DST: variants seen among roughly 807,000 people sequenced by gnomAD.
The protein encoded by DST is bullous pemphigoid antigen.
Under a neutral mutation model 875.2 loss-of-function variants are expected in DST, and 253 were observed. That is an observed-to-expected ratio of 0.29 (90% CI 0.26 to 0.32). The LOEUF (loss-of-function observed/expected upper bound fraction) is 0.32, where lower values mean the gene tolerates loss of function less well. DST is among the 10% of genes least tolerant of loss of function. The probability of loss-of-function intolerance (pLI) is 1.00; values close to 1 mark genes in which losing one functional copy is unlikely to be tolerated. For missense variants in DST, 8,287 were observed against 9,111.6 expected, an observed-to-expected ratio of 0.91 and a Z score of 3.68; for synonymous variants, 3,124 against 3,197.1, an observed-to-expected ratio of 0.98 and a Z score of 0.77.
chr6:56,528,811 CATG>C, intron 67 of DST, 27 bp downstream of exon 67: 3 of 1,373,938 alleles, frequency 2.2e-6, no homozygotes, highest in Non-Finnish European at 2.0e-6. Context: ...ATGCTGACCA[CATG>C]ATGATTTGAT....
chr6:56,823,721 G>GA (rs1350644435), intron 4 of DST, among the ~76,000 whole-genome samples: 1 of 152,060 alleles, frequency 6.6e-6, no homozygotes, highest in Non-Finnish European at 1.5e-5. Flanking sequence ...TATAATTCTT[G>GA]AAAATTACAA....
intron 2 of DST, among the ~76,000 whole-genome samples, chr6:56,905,342 T>C (rs1476485814): frequency 1.3e-5 from 2 of 152,222 alleles, no homozygotes; most frequent in Non-Finnish European, 2.9e-5. Flanking sequence ...CAATGTTGTA[T>C]AGCAGATCTT....
intron 2 of DST, among the ~76,000 whole-genome samples, chr6:56,922,611 A>G (rs1480752078): frequency 6.6e-6 from 1 of 151,874 alleles, no homozygotes; most frequent in African/African-American, 2.4e-5. Context: ...TTTGCCTTAG[A>G]GCAAGCAAAA....
At chr6:56,803,660 C>A (rs2099749912) in intron 4 of DST, among the ~76,000 whole-genome samples, 1 of 152,194 alleles carries the variant, frequency 6.6e-6, no homozygotes, top group Non-Finnish European at 1.5e-5. Flanking sequence ...GCAGACCAGG[C>A]TGGCCAACAA....
chr6:56,792,702 C>G (rs2099729607), intron 4 of DST, among the ~76,000 whole-genome samples: 2 of 152,126 alleles, frequency 1.3e-5, no homozygotes, highest in Admixed American at 1.3e-4. Flanking sequence ...AATAATTTTG[C>G]CACAAATGTT....
intron 4 of DST, among the ~76,000 whole-genome samples, chr6:56,753,006 G>A (rs1372491481): frequency 6.6e-6 from 1 of 152,006 alleles, no homozygotes; most frequent in Non-Finnish European, 1.5e-5. Context: ...GGTCAGGCTG[G>A]TCTCGAACTC....
chr6:56,666,282 TA>T (rs1289036006), intron 10 of DST, among the ~76,000 whole-genome samples: 3 of 152,166 alleles, frequency 2.0e-5, no homozygotes, highest in African/African-American at 7.2e-5. Context: ...TAATAACTTA[TA>T]ACAGTATAAT....
At chr6:56,567,295 A>G (rs2097695358) in intron 55 of DST, among the ~76,000 whole-genome samples, 1 of 152,212 alleles carries the variant, frequency 6.6e-6, no homozygotes, top group Admixed American at 6.5e-5. Context: ...AAGTCTAAAC[A>G]GAAACATTAA....
chr6:56,704,249 T>C (rs1159685114), intron 6 of DST, 31 bp downstream of exon 6: 2 of 1,186,750 alleles, frequency 1.7e-6, no homozygotes, highest in Admixed American at 4.8e-5. Context: ...TTACACGTTC[T>C]TCAAAATAAA....
At chr6:56,920,031 T>G (rs990198645) in intron 2 of DST, among the ~76,000 whole-genome samples, 3 of 152,178 alleles carry the variant, frequency 2.0e-5, no homozygotes, top group Non-Finnish European at 4.4e-5. Context: ...TTACAGCAAT[T>G]ATATAAACAC....
chr6:56,740,214 T>G (rs532074420), intron 4 of DST, among the ~76,000 whole-genome samples: 16 of 152,140 alleles, frequency 1.1e-4, no homozygotes, highest in African/African-American at 3.6e-4. Flanking sequence ...GGACTCACCC[T>G]GAATTCTCTC....
intron 3 of DST, among the ~76,000 whole-genome samples, chr6:56,882,575 G>A (rs946571200): frequency 6.6e-6 from 1 of 152,168 alleles, no homozygotes; most frequent in Admixed American, 6.5e-5. Context: ...AGTATAAGCA[G>A]CAAAATGAAA....
chr6:56,589,004 C>T (rs1483736294), intron 49 of DST, among the ~76,000 whole-genome samples: 1 of 152,206 alleles, frequency 6.6e-6, no homozygotes, highest in Non-Finnish European at 1.5e-5. Flanking sequence ...ACAGTTTATT[C>T]ATATAACATG....
Position 56,614,440 on chromosome 6 carries a change from T to A in DST, c.4974A>T (p.Lys1658Asn), listed in dbSNP as rs1207457994. ...EEKKEHVEKA[K>N]ELQKWVSNIS... ...TATTTGATACCCATTTTTGCAATTC[T>A]TTGGCTTTTTCAACATGTTCTTTCT... The change falls in exon 37 of 104, where the codon AAA becomes AAT. Residue 1658 changes from lysine to asparagine, a missense_variant. Lys to Asn is a moderately conservative substitution (Grantham distance 94). Around this residue, in one of 10 missense-constraint regions of DST, gnomAD observed 3,138 missense variants for 3,116.6 expected, o/e 1.01. Coordinates refer to ENST00000680361, the MANE Select transcript of DST (RefSeq NM_001374736.1). The A allele has an allele frequency of 6.2e-7, 1 of 1,609,912 alleles. No individual in the cohort carries two copies. The highest frequency in any genetic ancestry group is 1.3e-5 in the African/African-American group (1 of 74,788).
At chr6:56,619,490 T>C in intron 36 of DST, 2 of 1,612,318 alleles carry the variant, frequency 1.2e-6, no homozygotes, top group Non-Finnish European at 8.5e-7. Flanking sequence ...TTCTAATTCT[T>C]TCTCATCTCG....
chr6:56,891,860 G>A (rs1787715815), intron 3 of DST, among the ~76,000 whole-genome samples: 3 of 151,952 alleles, frequency 2.0e-5, no homozygotes, highest in Admixed American at 2.0e-4. Flanking sequence ...TTTTGCCCAT[G>A]CAACTGAGTA....
intron 4 of DST, among the ~76,000 whole-genome samples, chr6:56,758,041 C>A (rs939359806): frequency 1.3e-5 from 2 of 152,178 alleles, no homozygotes; most frequent in African/African-American, 4.8e-5. Context: ...GAAACAACTA[C>A]CATTAATACA....
intron 4 of DST, among the ~76,000 whole-genome samples, chr6:56,737,028 A>G (rs1266406197): frequency 2.0e-5 from 3 of 151,726 alleles, no homozygotes; most frequent in South Asian, 4.2e-4. Flanking sequence ...ATCCGTGTTT[A>G]CAAAAAAATA....
At position 56,552,874 on chromosome 6, in the gene DST, A is replaced by G. The variant is rs776402617; in HGVS notation, c.15918T>C (p.Ala5306=). The G allele has an allele frequency of 6.2e-7, 1 of 1,613,836 alleles. No individual in the cohort carries two copies. The highest frequency in any genetic ancestry group is 8.5e-7 in the Non-Finnish European group (1 of 1,179,914). Residue 5306 remains alanine (A), a synonymous_variant, in exon 61 of 104, where the codon GCT becomes GCC. Coordinates refer to ENST00000680361, the MANE Select transcript of DST (RefSeq NM_001374736.1). The part of the protein sequence containing the change: ...LDIHDSLGSQ[A]YSNKYLTMLQ... ...ACATGGTCAGGTATTTGTTACTGTA[A>G]GCCTGGGATCCCAGCGAATCATGGA...
Sources: allele counts gnomAD v4.1 joint callset (sites outside exome capture counted in the v4.1 genomes callset), GRCh38; gene constraint gnomAD v4.1.1; regional missense constraint gnomAD v4.1.1; transcripts MANE v1.5; gene names NCBI Gene and HGNC (gene_info 2026-07-23, HGNC 2026-07-21).